Variants in KAT6A observed in about 807,000 individuals in gnomAD.
The protein encoded by KAT6A is lysine acetyltransferase 6A, also known as histone acetyltransferase KAT6A.
In KAT6A, 9 loss-of-function variants were observed where a neutral mutation model predicts 198.4. The ratio of observed to expected loss-of-function variants is 0.05; its 90% CI spans 0.03 to 0.08. The LOEUF (loss-of-function observed/expected upper bound fraction) is 0.08. Among genes scored for constraint, KAT6A ranks in the 10% least tolerant of loss-of-function variants. KAT6A has a pLI of 1.00. For synonymous variants in KAT6A, 890 were observed against 883.0 expected (o/e 1.01, Z -0.14); for missense variants, 2,077 against 2,509.9 (o/e 0.83, Z 3.69).
rs750873194 is a variant in KAT6A, at chr8:41,974,729, C to A, written c.1457G>T (p.Arg486Leu). 1 of 1,608,732 alleles carries A rather than the reference C, an allele frequency of 6.2e-7. No individual in the cohort carries two copies. The highest frequency in any genetic ancestry group is 8.5e-7 in the Non-Finnish European group (1 of 1,177,062). ...CTGCAGTGCTTGTTCTTGGATATCA[C>A]GAAATAATTCCATATCTTTCTCAGT... ...IMTEKDMELF[R>L]DIQEQALQKV... The change falls in exon 8 of 17, where the codon CGT becomes CTT. Residue 486 changes from arginine (R) to leucine (L), a missense_variant. Physicochemically the swap from Arg to Leu is moderately radical, Grantham distance 102. Transcript: ENST00000265713.
Position 41,930,099 on chromosome 8 carries a change from G to T in KAT6A, c.*2106C>A. ...TTCTACAGTCACAAAGAGGCTTGTGGAAAAGGGAGCTGCCCGATTGAATTT... is the reference window on the plus strand; with the variant it reads ...TTCTACAGTCACAAAGAGGCTTGTGTAAAAGGGAGCTGCCCGATTGAATTT... On this transcript the variant is annotated 3_prime_UTR_variant, in exon 17 of 17. Coordinates refer to ENST00000265713, the MANE Select transcript of KAT6A (RefSeq NM_006766.5). The T allele has an allele frequency of 4.3e-6, 1 of 231,804 alleles. No homozygotes were observed. Among genetic ancestry groups the T allele is most frequent in the Non-Finnish European group, 8.5e-6 (1 of 117,232 alleles). The allele number at this position is 231,804 out of a possible 1,614,324, so 14.4% of individuals were successfully genotyped here. A position where few individuals can be genotyped will look rare whatever the true frequency, so the allele number is the denominator to read the frequency against.
chr8:41,981,044 G>T, intron 4 of KAT6A, 117 bp from the exon 5 acceptor site: 1 of 753,438 alleles, frequency 1.3e-6, no homozygotes, highest in Non-Finnish European at 2.3e-6. Context: ...GATAAGCCAG[G>T]CGCAATGGCT....
In KAT6A at chr8:41,985,303, C is replaced by T. The variant is rs1018874159; in HGVS notation, c.709+2152G>A. Among the ~76,000 whole-genome samples, 4 of 152,140 alleles carry T rather than the reference C, an allele frequency of 2.6e-5. No individual in the cohort carries two copies. The East Asian group carries it at 5.8e-4, about 22-fold the overall frequency. ...GAGTTCATTCTGGTTTGTGACAACA[C>T]GCTGGATATGACTACCTAGCACTCA... On this transcript the variant is annotated intron_variant, in intron 3 of 16. Coordinates refer to ENST00000265713, the MANE Select transcript of KAT6A (RefSeq NM_006766.5).
chr8:42,050,592 T>C (rs1802563803), intron 1 of KAT6A, among the ~76,000 whole-genome samples: 1 of 152,156 alleles, frequency 6.6e-6, no homozygotes, highest in Non-Finnish European at 1.5e-5. Flanking sequence ...CAAGATTTGT[T>C]TTTAAATCAG....
rs60247515 is a variant in KAT6A at position 41,946,493 on chromosome 8, T to TACAC, written c.1996+94_1996+97dup. On this transcript the variant is annotated intron_variant, in intron 12 of 16. Transcript: ENST00000265713. Reference sequence around the variant, plus strand: ...CTACAAATCTTTAAATATATATATATACACACACACACACACACACACACA... The same window carrying TACAC: ...CTACAAATCTTTAAATATATATATATACACACACACACACACACACACACACACA... The TACAC allele has an allele frequency of 6.3e-3, 2,030 of 323,004 alleles. 8 individuals are homozygous for TACAC. The highest frequency in any genetic ancestry group is 0.011 in the East Asian group (235 of 22,130). The allele number at this position is 323,004 out of a possible 1,614,324, so 20.0% of individuals were successfully genotyped here. A position where few individuals can be genotyped will look rare whatever the true frequency, so the allele number is the denominator to read the frequency against.
At position 41,932,732 on chromosome 8, in the gene KAT6A, A is replaced by C; in HGVS notation, c.5488T>G (p.Cys1830Gly). The change falls in exon 17 of 17, where the codon TGC becomes GGC. Residue 1830 changes from cysteine to glycine, a missense_variant. By Grantham distance (159) the Cys-to-Gly change is radical. Transcript: ENST00000265713. ...TMNLTSPLLQ[C>G]NMSATNIGIP... ...CCAATGTTGGTGGCAGACATGTTGC[A>C]CTGAAGCAGAGGAGATGTGAGGTTC... 2 of 1,614,258 alleles carry C rather than the reference A, an allele frequency of 1.2e-6. No homozygotes were observed. The highest frequency in any genetic ancestry group is 1.7e-6 in the Non-Finnish European group (2 of 1,180,038).
In KAT6A at chr8:42,041,700, C is replaced by T. The variant is rs1448688269; in HGVS notation, c.600+6678G>A. On this transcript the variant is annotated intron_variant, in intron 2 of 16. Transcript: ENST00000265713. ...TTGCAGTGAGCTGAAACTGGGCCAC[C>T]GCACTCCAGCCTAAGCAACAGAGCA... Among the ~76,000 whole-genome samples, 6 of 150,818 alleles carry T rather than the reference C, an allele frequency of 4.0e-5. No individual in the cohort carries two copies. The South Asian group carries it at 8.4e-4, about 21-fold the overall frequency.
intron 2 of KAT6A, among the ~76,000 whole-genome samples, chr8:42,012,251 G>A (rs924657971): frequency 6.6e-6 from 1 of 152,252 alleles, no homozygotes; most frequent in African/African-American, 2.4e-5. Flanking sequence ...CACCTCCTAG[G>A]TATCTGCCCA....
intron 2 of KAT6A, among the ~76,000 whole-genome samples, chr8:42,029,397 C>T (rs1427187294): frequency 6.6e-6 from 1 of 152,046 alleles, no homozygotes; most frequent in Non-Finnish European, 1.5e-5. Flanking sequence ...TTCTGGAATA[C>T]CCAACACTCA....
chr8:41,962,545 T>C (rs1349362907), intron 8 of KAT6A, among the ~76,000 whole-genome samples: 1 of 151,918 alleles, frequency 6.6e-6, no homozygotes, highest in East Asian at 1.9e-4. Context: ...CCAAACACCA[T>C]GTCTCTTACT....
intron 2 of KAT6A, among the ~76,000 whole-genome samples, chr8:42,018,907 G>T (rs915805152): frequency 6.6e-6 from 1 of 152,130 alleles, no homozygotes; most frequent in Non-Finnish European, 1.5e-5. Flanking sequence ...GCGACAGAGC[G>T]AGACTCTGCC....
intron 8 of KAT6A, among the ~76,000 whole-genome samples, chr8:41,968,360 A>G (rs1823614665): frequency 6.6e-6 from 1 of 152,228 alleles, no homozygotes; most frequent in Admixed American, 6.5e-5. Context: ...TGCAGCCAAA[A>G]AACACATGAA....
At position 41,942,887 on chromosome 8, in the gene KAT6A, A is replaced by G. The variant is rs1439638953; in HGVS notation, c.2342T>C (p.Val781Ala). 1.9e-6 allele frequency: 3 copies of G among 1,614,192 alleles called. No homozygotes were observed. Among genetic ancestry groups the G allele is most frequent in the Non-Finnish European group, 2.5e-6 (3 of 1,180,022 alleles). Reference sequence around the variant, plus strand: ...CTCCTCTGAGACCACAGAGTTGGACACTATGACTGGAGTCCAGCGCAAACA... The same window carrying G: ...CTCCTCTGAGACCACAGAGTTGGACGCTATGACTGGAGTCCAGCGCAAACA... ...PECLRWTPVIVSNSVVSEEEE... is the reference protein window; with the variant it reads ...PECLRWTPVIASNSVVSEEEE... Residue 781 changes from valine (V) to alanine (A), a missense_variant, in exon 14 of 17, where the codon GTG becomes GCG. This residue lies in a region of KAT6A where 127 missense variants were observed against 209.6 expected (regional missense o/e 0.61). Coordinates refer to ENST00000265713, the MANE Select transcript of KAT6A (RefSeq NM_006766.5).
chr8:41,961,678 G>A lies in KAT6A; in HGVS notation c.1483-6267C>T, dbSNP rs991539880. On this transcript the variant is annotated intron_variant, in intron 8 of 16. Transcript: ENST00000265713. Reference sequence around the variant, plus strand: ...TGAGGCAGGAGAATCCCTTGAACCCGGGACGTGGCGGTTGCAATGAGCCGA... The same window carrying A: ...TGAGGCAGGAGAATCCCTTGAACCCAGGACGTGGCGGTTGCAATGAGCCGA... 5.3e-5 allele frequency among the ~76,000 whole-genome samples: 8 copies of A among 150,960 alleles called. No individual in the cohort carries two copies. The South Asian group carries it at 8.4e-4, about 16-fold the overall frequency.
intron 9 of KAT6A, among the ~76,000 whole-genome samples, chr8:41,954,087 T>C (rs1822801969): frequency 6.6e-6 from 1 of 152,294 alleles, no homozygotes; most frequent in South Asian, 2.1e-4. Context: ...GTTAGTTTCC[T>C]GGGGTTTTGC....
Position 42,048,671 on chromosome 8 carries a change from T to A in KAT6A, c.307A>T (p.Ile103Leu), listed in dbSNP as rs762934991. 1.9e-6 allele frequency: 3 copies of A among 1,614,222 alleles called. No individual in the cohort carries two copies. In the Admixed American group the frequency reaches 5.0e-5, roughly 27 times the overall value. ...NKQNVDWNKL[I>L]KRAVEGLAES... ...GCCAAGCCCTCAACTGCCCGCTTTA[T>A]CAGTTTATTCCAATCCACATTTTGT... Residue 103 changes from isoleucine (I) to leucine (L), a missense_variant, in exon 2 of 17, where the codon ATA becomes TTA. Ile to Leu is a conservative substitution (Grantham distance 5, BLOSUM62 2). Transcript: ENST00000265713.
At chr8:41,983,569 G>A (rs774690862) in intron 3 of KAT6A, among the ~76,000 whole-genome samples, 1 of 152,104 alleles carries the variant, frequency 6.6e-6, no homozygotes, top group Non-Finnish European at 1.5e-5. Flanking sequence ...GTTAAATACT[G>A]AGACTACGGA....
Position 41,932,841 on chromosome 8 carries a change from C to A in KAT6A, c.5379G>T (p.Gln1793His), listed in dbSNP as rs34566148. The change falls in exon 17 of 17, where the codon CAG becomes CAT. Residue 1793 changes from glutamine (Q) to histidine (H), a missense_variant. By Grantham distance (24) the Gln-to-His change is conservative (BLOSUM62 0). Transcript: ENST00000265713. The part of the protein sequence containing the change: ...SVSLSNTGLA[Q>H]LAPSHPLAGT... ...CAGCTAAGGGATGAGATGGAGCCAG[C>A]TGAGCCAGTCCTGTATTGGACAGAG... The A allele has an allele frequency of 6.2e-7, 1 of 1,614,138 alleles. No individual in the cohort carries two copies. The highest frequency in any genetic ancestry group is 1.1e-5 in the South Asian group (1 of 91,082).
In KAT6A at chr8:41,942,811, T is replaced by G; in HGVS notation, c.2418A>C (p.Glu806Asp). 2.5e-6 allele frequency: 4 copies of G among 1,614,176 alleles called. No homozygotes were observed. The highest frequency in any genetic ancestry group is 3.4e-6 in the Non-Finnish European group (4 of 1,180,016). ...EGENEEPQCQ[E>D]RELEISVGKS... is the part of the protein sequence containing the mutation. ...CCCTTACACTGATCTCTAATTCTCT[T>G]TCCTGGCACTGTGGCTCTTCGTTTT... The change falls in exon 14 of 17, where the codon GAA becomes GAC. Residue 806 changes from glutamate to aspartate, a missense_variant. Transcript: ENST00000265713.
Sources: allele counts gnomAD v4.1 joint callset (sites outside exome capture counted in the v4.1 genomes callset), GRCh38; gene constraint gnomAD v4.1.1; regional missense constraint gnomAD v4.1.1; transcripts MANE v1.5; gene names NCBI Gene and HGNC (gene_info 2026-07-23, HGNC 2026-07-21).